THSD4: variants seen among roughly 807,000 people sequenced by gnomAD.
THSD4 encodes thrombospondin type-1 domain-containing protein 4.
Under a neutral mutation model 119.0 loss-of-function variants are expected in THSD4, and 69 were observed. The observed-to-expected ratio is 0.58, with a 90% CI of 0.48 to 0.71. THSD4 has a LOEUF of 0.71. Ranked by LOEUF, THSD4 falls within the 30% of genes least tolerant of loss-of-function variation. The pLI is 0.00. For missense variants in THSD4, 1,393 were observed against 1,391.1 expected, an observed-to-expected ratio of 1.00 and a Z score of -0.02; for synonymous variants, 524 against 540.4, an observed-to-expected ratio of 0.97 and a Z score of 0.42.
intron 7 of THSD4, among the ~76,000 whole-genome samples, chr15:71,483,968 G>A (rs1247557416): frequency 6.6e-6 from 1 of 152,098 alleles, no homozygotes. Context: ...TCTAGGGAAG[G>A]GAGACACCAT....
At chr15:71,398,327 A>C (rs1024807996) in intron 6 of THSD4, among the ~76,000 whole-genome samples, 5 of 152,122 alleles carry the variant, frequency 3.3e-5, no homozygotes, top group Admixed American at 6.5e-5. Flanking sequence ...GGAAAGGAGG[A>C]GTATAAAGCT....
intron 7 of THSD4, among the ~76,000 whole-genome samples, chr15:71,427,427 A>G (rs1034902384): frequency 1.3e-5 from 2 of 151,856 alleles, no homozygotes; most frequent in Non-Finnish European, 2.9e-5. Context: ...AATGCTGTTG[A>G]TGAACGCTGT....
intron 8 of THSD4, among the ~76,000 whole-genome samples, chr15:71,670,412 A>G (rs1327069027): frequency 6.7e-6 from 1 of 150,290 alleles, no homozygotes; most frequent in Non-Finnish European, 1.5e-5. Context: ...ACATGAACTC[A>G]TCCTTTTTTA....
intron 6 of THSD4, among the ~76,000 whole-genome samples, chr15:71,366,907 G>A (rs1566956532): frequency 6.6e-6 from 1 of 152,166 alleles, no homozygotes; most frequent in Admixed American, 6.5e-5. Context: ...TTCTCATACT[G>A]TGAAGGAGAG....
intron 10 of THSD4, among the ~76,000 whole-genome samples, chr15:71,736,117 CTG>C (rs1319715761): frequency 3.7e-5 from 5 of 133,520 alleles, no homozygotes; most frequent in African/African-American, 2.8e-5. Context: ...CTCTCTGTTG[CTG>C]TCTCTGTCTC....
At chr15:71,214,993 G>A in intron 3 of THSD4, 42 bp from the exon 4 acceptor site, 1 of 1,234,460 alleles carries the variant, frequency 8.1e-7, no homozygotes, top group South Asian at 4.0e-5. Context: ...GGTGAAGAGA[G>A]GAGCGGTGTT....
intron 6 of THSD4, among the ~76,000 whole-genome samples, chr15:71,300,875 C>T (rs2044939363): frequency 6.6e-6 from 1 of 152,200 alleles, no homozygotes; most frequent in South Asian, 2.1e-4. Context: ...AACCAACTCC[C>T]AGCTTCTGAA....
chr15:71,523,623 C>T (rs559832576), intron 7 of THSD4, among the ~76,000 whole-genome samples: 2 of 152,220 alleles, frequency 1.3e-5, no homozygotes, highest in East Asian at 3.9e-4. Context: ...AGGGTGCAGA[C>T]ACTGGGCTCA....
At chr15:71,100,318 C>T (rs1173215982) in intron 1 of THSD4, among the ~76,000 whole-genome samples, 1 of 152,198 alleles carries the variant, frequency 6.6e-6, no homozygotes, top group Non-Finnish European at 1.5e-5. Flanking sequence ...CATAGACTCA[C>T]TCTCTTCCTG....
At chr15:71,629,673 C>T (rs891553398) in intron 7 of THSD4, among the ~76,000 whole-genome samples, 2 of 152,174 alleles carry the variant, frequency 1.3e-5, no homozygotes, top group African/African-American at 4.8e-5. Context: ...TCTTCTACCT[C>T]CCCACACCCC....
Position 71,731,189 on chromosome 15 carries a change from C to T in THSD4, c.1602C>T (p.Ser534=). The T allele has an allele frequency of 6.2e-7, 1 of 1,614,082 alleles. No homozygotes were observed. The highest frequency in any genetic ancestry group is 8.5e-7 in the Non-Finnish European group (1 of 1,179,968). The change falls in exon 10 of 18, where the codon AGC becomes AGT. Residue 534 remains serine (S), a synonymous_variant. Coordinates refer to ENST00000261862, the MANE Select transcript of THSD4 (RefSeq NM_024817.3). ...EYVIMGTNAI[S]PQVPPHRRPG... ...TGATCATGGGGACCAACGCCATCAG[C>T]CCCCAGGTGCCACCCCACAGGAGAC...
intron 8 of THSD4, among the ~76,000 whole-genome samples, chr15:71,716,803 G>C (rs1425961661): frequency 6.6e-6 from 1 of 152,062 alleles, no homozygotes; most frequent in African/African-American, 2.4e-5. Context: ...AGTATATACA[G>C]GATGCTTCTT....
intron 2 of THSD4, among the ~76,000 whole-genome samples, chr15:71,143,700 CTTTTT>C (rs546375502): frequency 1.2e-4 from 12 of 100,744 alleles, no homozygotes; most frequent in African/African-American, 4.3e-4. Flanking sequence ...TTTTTTCTTT[CTTTTT>C]TTTTTTTTTT....
At chr15:71,559,652 G>T (rs577517405) in intron 7 of THSD4, among the ~76,000 whole-genome samples, 25 of 151,472 alleles carry the variant, frequency 1.7e-4, no homozygotes, top group Middle Eastern at 3.4e-3. Context: ...ATGGGAAGAA[G>T]AATAATATTC....
intron 7 of THSD4, among the ~76,000 whole-genome samples, chr15:71,628,846 A>G (rs933635258): frequency 6.6e-6 from 1 of 152,194 alleles, no homozygotes; most frequent in African/African-American, 2.4e-5. Flanking sequence ...CTGCTGAGGC[A>G]CCAGCCAGGC....
intron 6 of THSD4, among the ~76,000 whole-genome samples, chr15:71,394,681 C>T (rs1238234656): frequency 3.3e-5 from 5 of 152,166 alleles, no homozygotes; most frequent in Non-Finnish European, 2.9e-5. Context: ...CCTACTCATC[C>T]TTCAGATTTC....
At chr15:71,395,850 T>G (rs540885644) in intron 6 of THSD4, among the ~76,000 whole-genome samples, 1 of 152,062 alleles carries the variant, frequency 6.6e-6, no homozygotes, top group African/African-American at 2.4e-5. Context: ...ATCAAAACTC[T>G]CTTCCTGCTA....
intron 11 of THSD4, among the ~76,000 whole-genome samples, chr15:71,738,846 C>A (rs1310360798): frequency 6.6e-6 from 1 of 152,114 alleles, no homozygotes; most frequent in Non-Finnish European, 1.5e-5. Flanking sequence ...TGGCCCAAGA[C>A]CTCAGCATAA....
rs1252441341 is a variant in THSD4 at position 71,480,361 on chromosome 15, C to T, written c.1152+68538C>T. ...CCACTTTTTTTGTTAATGTTTTAGA[C>T]ATATCCCATGTATATATAAATATAG... On this transcript the variant is annotated intron_variant, in intron 7 of 17. Coordinates refer to ENST00000261862, the MANE Select transcript of THSD4 (RefSeq NM_024817.3). Among the ~76,000 whole-genome samples the T allele has an allele frequency of 2.6e-5, 4 of 152,284 alleles. No homozygotes were observed. In the South Asian group the frequency reaches 6.2e-4, roughly 24 times the overall value.
Sources: allele counts gnomAD v4.1 joint callset (sites outside exome capture counted in the v4.1 genomes callset), GRCh38; gene constraint gnomAD v4.1.1; transcripts MANE v1.5; gene names NCBI Gene and HGNC (gene_info 2026-07-23, HGNC 2026-07-21).